The following ARHGAP24 variants were observed in gnomAD, a reference collection of about 807,000 sequenced individuals.
ARHGAP24 encodes the protein rho GTPase-activating protein 24.
Under a neutral mutation model 76.4 loss-of-function variants are expected in ARHGAP24, and 50 were observed. The ratio of observed to expected loss-of-function variants is 0.65; its 90% CI spans 0.52 to 0.83. The LOEUF (loss-of-function observed/expected upper bound fraction) is 0.83. Ranked by LOEUF, ARHGAP24 falls within the 40% of genes least tolerant of loss-of-function variation. The probability of loss-of-function intolerance (pLI) is 0.00; values close to 1 mark genes in which losing one functional copy is unlikely to be tolerated. For missense variants in ARHGAP24, 930 were observed against 914.2 expected, an observed-to-expected ratio of 1.02 and a Z score of -0.22; for synonymous variants, 345 against 323.3, an observed-to-expected ratio of 1.07 and a Z score of -0.72.
chr4:85,653,054 C>T (rs1030002831), intron 2 of ARHGAP24, among the ~76,000 whole-genome samples: 2 of 152,098 alleles, frequency 1.3e-5, no homozygotes, highest in Admixed American at 6.6e-5. Context: ...AAAATGCTTT[C>T]TTTTCTTAGA....
chr4:85,484,761 C>T (rs917454602), intron 1 of ARHGAP24, among the ~76,000 whole-genome samples: 45 of 152,106 alleles, frequency 3.0e-4, no homozygotes, highest in African/African-American at 1.0e-3. Flanking sequence ...GGACTATAGG[C>T]GTGCACCACC....
At chr4:85,855,681 G>A (rs1203394299) in intron 3 of ARHGAP24, among the ~76,000 whole-genome samples, 1 of 151,824 alleles carries the variant, frequency 6.6e-6, no homozygotes, top group African/African-American at 2.4e-5. Context: ...GGGAGGCTGA[G>A]GCAGGAGAAT....
At chr4:85,479,471 T>G (rs138059464) in intron 1 of ARHGAP24, among the ~76,000 whole-genome samples, 361 of 152,334 alleles carry the variant, frequency 2.4e-3, no homozygotes, top group African/African-American at 8.3e-3. Context: ...ATAATGAAGT[T>G]AAATTTGGAG....
intron 5 of ARHGAP24, among the ~76,000 whole-genome samples, chr4:85,949,965 A>G (rs1218601513): frequency 6.6e-6 from 1 of 152,206 alleles, no homozygotes; most frequent in Non-Finnish European, 1.5e-5. Flanking sequence ...AACAGCAAAT[A>G]TATAAATAAT....
Position 85,682,837 on chromosome 4 carries a change from A to G in ARHGAP24, c.181-39048A>G, listed in dbSNP as rs542063055. On this transcript the variant is annotated intron_variant, in intron 2 of 9. Coordinates refer to ENST00000395184, the MANE Select transcript of ARHGAP24 (RefSeq NM_001025616.3). ...ATGTAGAGGGAACTTTCTTTGGAGA[A>G]GTAGAATTATTCCTGTGTCTCACTA... 2.0e-5 allele frequency among the ~76,000 whole-genome samples: 3 copies of G among 152,230 alleles called. No homozygotes were observed. The East Asian group carries it at 5.8e-4, about 29-fold the overall frequency.
At position 85,958,089 on chromosome 4, in the gene ARHGAP24, G is replaced by A. The variant is rs1197966869; in HGVS notation, c.600-13947G>A. ...TGTTTGTCTACTTATTTGCAAGAAC[G>A]TAGTGTGGAAGTTAAAAGTTCAGGC... On this transcript the variant is annotated intron_variant, in intron 5 of 9. Transcript: ENST00000395184. Among the ~76,000 whole-genome samples the A allele has an allele frequency of 3.3e-5, 5 of 152,164 alleles. No individual in the cohort carries two copies. The South Asian group carries it at 6.2e-4, about 19-fold the overall frequency.
intron 3 of ARHGAP24, among the ~76,000 whole-genome samples, chr4:85,920,612 A>G (rs1385253654): frequency 6.6e-6 from 1 of 152,182 alleles, no homozygotes; most frequent in African/African-American, 2.4e-5. Flanking sequence ...AATGGGAGAA[A>G]ATTTTTGCAT....
At chr4:85,955,707 G>T (rs1204765210) in intron 5 of ARHGAP24, among the ~76,000 whole-genome samples, 2 of 152,216 alleles carry the variant, frequency 1.3e-5, no homozygotes, top group Non-Finnish European at 1.5e-5. Flanking sequence ...TTGATCATTA[G>T]AATTGATGTA....
chr4:85,890,451 C>T (rs539325034), intron 3 of ARHGAP24, among the ~76,000 whole-genome samples: 1 of 152,232 alleles, frequency 6.6e-6, no homozygotes, highest in South Asian at 2.1e-4. Context: ...AATCATAATA[C>T]TCTGTGAATA....
rs568664258 is a variant in ARHGAP24, at chr4:85,606,309, C to A, written c.180+35588C>A. ...CGGGCAGATCATGAGGTCATGAGAT[C>A]GAGACCATCCTGGCTAACACAGCGA... On this transcript the variant is annotated intron_variant, in intron 2 of 9. Coordinates refer to ENST00000395184, the MANE Select transcript of ARHGAP24 (RefSeq NM_001025616.3). Among the ~76,000 whole-genome samples, 7 of 152,092 alleles carry A rather than the reference C, an allele frequency of 4.6e-5. No homozygotes were observed. The East Asian group carries it at 1.4e-3, about 30-fold the overall frequency.
At chr4:85,566,977 A>C (rs1217577928) in intron 1 of ARHGAP24, among the ~76,000 whole-genome samples, 1 of 152,196 alleles carries the variant, frequency 6.6e-6, no homozygotes, top group Non-Finnish European at 1.5e-5. Flanking sequence ...GGCTGTTTCC[A>C]GAACTGAAAG....
intron 3 of ARHGAP24, among the ~76,000 whole-genome samples, chr4:85,744,644 C>T (rs1394949875): frequency 1.3e-5 from 2 of 152,102 alleles, no homozygotes; most frequent in African/African-American, 2.4e-5. Context: ...CATCCTCCAC[C>T]CTCCACGCGT....
At chr4:85,674,575 A>T (rs575917167) in intron 2 of ARHGAP24, among the ~76,000 whole-genome samples, 12 of 152,334 alleles carry the variant, frequency 7.9e-5, no homozygotes, top group Admixed American at 2.6e-4. Flanking sequence ...TGTGCTTAAC[A>T]TCACACAGTT....
chr4:85,816,685 G>T (rs1418602698), intron 3 of ARHGAP24, among the ~76,000 whole-genome samples: 1 of 152,112 alleles, frequency 6.6e-6, no homozygotes, highest in Non-Finnish European at 1.5e-5. Flanking sequence ...CACTGAGGTT[G>T]ATTTTATATC....
intron 5 of ARHGAP24, among the ~76,000 whole-genome samples, chr4:85,959,588 G>A (rs1738124785): frequency 6.6e-6 from 1 of 152,080 alleles, no homozygotes; most frequent in Non-Finnish European, 1.5e-5. Context: ...ACTACATTTT[G>A]TTTATTCATC....
intron 2 of ARHGAP24, among the ~76,000 whole-genome samples, chr4:85,678,819 C>T (rs1332855296): frequency 6.6e-6 from 1 of 152,154 alleles, no homozygotes; most frequent in Non-Finnish European, 1.5e-5. Context: ...TCTTTCCTTT[C>T]TCATCTCCAA....
At chr4:85,867,624 A>C (rs1017738293) in intron 3 of ARHGAP24, among the ~76,000 whole-genome samples, 2 of 151,814 alleles carry the variant, frequency 1.3e-5, no homozygotes. Flanking sequence ...GAGAGGAAAA[A>C]AGTGGAAATA....
intron 2 of ARHGAP24, among the ~76,000 whole-genome samples, chr4:85,665,667 C>G (rs1159567307): frequency 2.0e-5 from 3 of 152,110 alleles, no homozygotes; most frequent in Non-Finnish European, 4.4e-5. Context: ...TTTTCCTTTC[C>G]ATGTTTAGTG....
intron 3 of ARHGAP24, among the ~76,000 whole-genome samples, chr4:85,821,876 G>A (rs1244712258): frequency 6.6e-6 from 1 of 152,134 alleles, no homozygotes; most frequent in Non-Finnish European, 1.5e-5. Context: ...GCAAACCTAT[G>A]CATTATTTTG....
Sources: gnomAD v4.1 joint callset for allele counts (sites outside exome capture counted in the v4.1 genomes callset) on GRCh38, gnomAD v4.1.1 for gene constraint, MANE v1.5 for transcripts, NCBI Gene and HGNC (gene_info 2026-07-23, HGNC 2026-07-21) for gene names.